The following KIAA1217 variants were observed in gnomAD, a reference collection of about 807,000 sequenced individuals.
The protein encoded by KIAA1217 is KIAA1217, also known as sickle tail protein homolog.
KIAA1217 carries 88 observed loss-of-function variants against 163.9 expected under a neutral mutation model. The ratio of observed to expected loss-of-function variants is 0.54; its 90% CI spans 0.45 to 0.64. The LOEUF (loss-of-function observed/expected upper bound fraction) is 0.64, where lower values mean the gene tolerates loss of function less well. Among genes scored for constraint, KIAA1217 ranks in the 30% least tolerant of loss-of-function variants. The probability of loss-of-function intolerance (pLI) is 0.00; values close to 1 mark genes in which losing one functional copy is unlikely to be tolerated. For missense variants in KIAA1217, 2,372 were observed against 2,475.0 expected (o/e 0.96, Z 0.88); for synonymous variants, 903 against 923.1 (o/e 0.98, Z 0.39).
chr10:23,867,840 G>A (rs1840268035), intron 1 of KIAA1217, among the ~76,000 whole-genome samples: 1 of 152,160 alleles, frequency 6.6e-6, no homozygotes, highest in Admixed American at 6.5e-5. Flanking sequence ...TTGCTGTGCA[G>A]AAGCTCTTTC....
At chr10:24,180,273 C>T (rs1440558296) in intron 2 of KIAA1217, among the ~76,000 whole-genome samples, 2 of 146,268 alleles carry the variant, frequency 1.4e-5, no homozygotes, top group Non-Finnish European at 3.0e-5. Context: ...CTCAACTCCT[C>T]AACCTTCTTT....
intron 2 of KIAA1217, among the ~76,000 whole-genome samples, chr10:24,064,579 C>G (rs1330835116): frequency 6.6e-6 from 1 of 152,124 alleles, no homozygotes; most frequent in East Asian, 1.9e-4. Context: ...CAATGTTCAT[C>G]AAGGATATTG....
chr10:24,146,961 T>A (rs2064344562), intron 2 of KIAA1217, among the ~76,000 whole-genome samples: 1 of 151,116 alleles, frequency 6.6e-6, no homozygotes, highest in Non-Finnish European at 1.5e-5. Flanking sequence ...ACTCGCACAT[T>A]TCCGTGTTCC....
At chr10:23,798,939 T>C (rs940996439) in intron 1 of KIAA1217, among the ~76,000 whole-genome samples, 2 of 152,184 alleles carry the variant, frequency 1.3e-5, no homozygotes, top group African/African-American at 2.4e-5. Context: ...AAAAATATAT[T>C]GTCTCACATT....
At chr10:24,453,788 T>C (rs2061564588) in intron 5 of KIAA1217, among the ~76,000 whole-genome samples, 2 of 152,246 alleles carry the variant, frequency 1.3e-5, no homozygotes. Flanking sequence ...GAATGAATGT[T>C]GGAAAGACTG....
intron 2 of KIAA1217, among the ~76,000 whole-genome samples, chr10:24,141,752 G>A (rs2131835164): frequency 6.6e-6 from 1 of 152,268 alleles, no homozygotes; most frequent in South Asian, 2.1e-4. Flanking sequence ...ACAACCCGTA[G>A]ATAAGGCTGG....
At chr10:23,706,984 T>C (rs1836928902) in intron 1 of KIAA1217, among the ~76,000 whole-genome samples, 1 of 152,178 alleles carries the variant, frequency 6.6e-6, no homozygotes, top group Non-Finnish European at 1.5e-5. Context: ...AAAGAATGTG[T>C]CCTGTTCTGT....
chr10:23,934,409 G>C (rs1043190081), intron 1 of KIAA1217, among the ~76,000 whole-genome samples: 45 of 150,518 alleles, frequency 3.0e-4, no homozygotes, highest in African/African-American at 1.1e-3. Flanking sequence ...AGGGAGCTTA[G>C]AGAATGGGCC....
intron 1 of KIAA1217, among the ~76,000 whole-genome samples, chr10:23,961,257 CCAGATGTAAATGAGTG>C (rs879911244): frequency 1.3e-5 from 2 of 152,130 alleles, no homozygotes; most frequent in African/African-American, 2.4e-5. Context: ...GCAGTTGTAT[CCAGATGTAAATGAGTG>C]CATTCATTAT....
At chr10:24,267,428 G>A (rs958270313) in intron 2 of KIAA1217, among the ~76,000 whole-genome samples, 9 of 152,308 alleles carry the variant, frequency 5.9e-5, no homozygotes, top group South Asian at 4.1e-4. Flanking sequence ...GTTACAAAAC[G>A]GAAAGAGCTA....
chr10:23,835,047 G>A (rs1838383415), intron 1 of KIAA1217, among the ~76,000 whole-genome samples: 1 of 152,090 alleles, frequency 6.6e-6, no homozygotes, highest in South Asian at 2.1e-4. Context: ...GGGATATGGG[G>A]TAATTGGGCC....
At chr10:24,277,567 C>T (rs550525904) in intron 2 of KIAA1217, among the ~76,000 whole-genome samples, 141 of 152,322 alleles carry the variant, frequency 9.3e-4, no homozygotes, top group Non-Finnish European at 1.7e-3. Flanking sequence ...ATCATGGGGG[C>T]GGTTTTCCCC....
chr10:24,229,220 C>T (rs2071021378), intron 2 of KIAA1217, among the ~76,000 whole-genome samples: 1 of 152,182 alleles, frequency 6.6e-6, no homozygotes, highest in South Asian at 2.1e-4. Context: ...GTATACTATA[C>T]ACTGTTCAGT....
intron 1 of KIAA1217, among the ~76,000 whole-genome samples, chr10:23,735,276 G>A (rs1172506837): frequency 3.3e-5 from 5 of 151,218 alleles, no homozygotes; most frequent in African/African-American, 1.2e-4. Flanking sequence ...CTCTCTCTCC[G>A]GGGCTGGAGT....
chr10:24,475,796 G>A (rs143090868), intron 6 of KIAA1217, among the ~76,000 whole-genome samples: 1 of 152,310 alleles, frequency 6.6e-6, no homozygotes, highest in Non-Finnish European at 1.5e-5. Flanking sequence ...CTACCAAGAT[G>A]TGCGATAAGT....
chr10:23,732,970 A>G (rs1838559640), intron 1 of KIAA1217, among the ~76,000 whole-genome samples: 1 of 152,072 alleles, frequency 6.6e-6, no homozygotes, highest in South Asian at 2.1e-4. Flanking sequence ...TTTATATTAA[A>G]CATTTATATC....
chr10:23,856,493 G>A (rs545423153), intron 1 of KIAA1217, among the ~76,000 whole-genome samples: 57 of 152,272 alleles, frequency 3.7e-4, no homozygotes, highest in African/African-American at 1.3e-3. Context: ...GCAGTCTGCC[G>A]GTTCTCAGAT....
chr10:24,075,706 C>T (rs909203299), intron 2 of KIAA1217, among the ~76,000 whole-genome samples: 1 of 149,796 alleles, frequency 6.7e-6, no homozygotes, highest in Admixed American at 6.6e-5. Context: ...TGGCTTCAAG[C>T]GATTCTCCTG....
intron 2 of KIAA1217, among the ~76,000 whole-genome samples, chr10:24,132,278 G>A (rs4004324): frequency 0.23 from 35,005 of 152,070 alleles, 4,161 homozygotes; most frequent in East Asian, 0.42. Flanking sequence ...AAGACGAAAA[G>A]AAAATAGGAT....
Sources: allele counts gnomAD v4.1 joint callset (sites outside exome capture counted in the v4.1 genomes callset), GRCh38; gene constraint gnomAD v4.1.1; transcripts MANE v1.5; gene names NCBI Gene and HGNC (gene_info 2026-07-23, HGNC 2026-07-21).